Variants in MAMDC2 observed in about 807,000 individuals in gnomAD.
MAMDC2 encodes MAM domain containing 2, also known as MAM domain-containing protein 2.
Under a neutral mutation model 89.8 loss-of-function variants are expected in MAMDC2, and 57 were observed. The ratio of observed to expected loss-of-function variants is 0.63; its 90% CI spans 0.51 to 0.79. The LOEUF (loss-of-function observed/expected upper bound fraction) is 0.79, where lower values mean the gene tolerates loss of function less well. Ranked by LOEUF, MAMDC2 falls within the 30% of genes least tolerant of loss-of-function variation. MAMDC2 has a pLI of 0.00. For missense variants in MAMDC2, 800 were observed against 820.6 expected, an observed-to-expected ratio of 0.97 and a Z score of 0.31; for synonymous variants, 313 against 293.4, an observed-to-expected ratio of 1.07 and a Z score of -0.68.
At chr9:70,070,563 C>T (rs779303422) in intron 2 of MAMDC2, among the ~76,000 whole-genome samples, 1 of 152,146 alleles carries the variant, frequency 6.6e-6, no homozygotes, top group Non-Finnish European at 1.5e-5. Flanking sequence ...CATGGCTAAG[C>T]ACATAGTAGG....
rs142381956 is a variant in MAMDC2, at chr9:70,095,995, T to C, written c.149-12216T>C. Among the ~76,000 whole-genome samples the C allele has an allele frequency of 3.9e-3, 595 of 152,230 alleles. 6 individuals are homozygous for C. The highest frequency in any genetic ancestry group is 0.013 in the African/African-American group (554 of 41,536). On this transcript the variant is annotated intron_variant, in intron 2 of 13. Transcript: ENST00000377182. The stretch of plus-strand genomic sequence containing the variant: ...GAAAACATGTCCTGTTCCCAGGACA[T>C]AGGACTTTAAATTTAATTTAATTTA...
chr9:70,177,489 T>A (rs910356119), intron 11 of MAMDC2, among the ~76,000 whole-genome samples: 15 of 152,186 alleles, frequency 9.9e-5, no homozygotes, highest in African/African-American at 3.6e-4. Flanking sequence ...CACAGCTGAC[T>A]GTGGGTAACC....
chr9:70,068,103 C>T (rs1827310254), intron 2 of MAMDC2, among the ~76,000 whole-genome samples: 1 of 152,126 alleles, frequency 6.6e-6, no homozygotes, highest in Non-Finnish European at 1.5e-5. Flanking sequence ...TGGTATAGGA[C>T]TTATAAAGAG....
At chr9:70,141,816 T>C (rs963990722) in intron 8 of MAMDC2, among the ~76,000 whole-genome samples, 15 of 152,130 alleles carry the variant, frequency 9.9e-5, no homozygotes, top group Admixed American at 8.5e-4. Flanking sequence ...AGGAAATATA[T>C]GGAGGAAACA....
At chr9:70,074,760 G>C (rs1035277054) in intron 2 of MAMDC2, among the ~76,000 whole-genome samples, 3 of 152,182 alleles carry the variant, frequency 2.0e-5, no homozygotes, top group African/African-American at 7.2e-5. Flanking sequence ...CATCATGACA[G>C]GTCAAGAGAG....
At chr9:70,075,701 C>G (rs1331829357) in intron 2 of MAMDC2, among the ~76,000 whole-genome samples, 3 of 152,170 alleles carry the variant, frequency 2.0e-5, no homozygotes, top group African/African-American at 7.2e-5. Flanking sequence ...AGTCCCACTT[C>G]CAGAAATCTA....
At chr9:70,170,406 C>CA in intron 10 of MAMDC2, 73 bp from the exon 11 acceptor site, 1 of 1,497,680 alleles carries the variant, frequency 6.7e-7, no homozygotes, top group Non-Finnish European at 9.0e-7. Flanking sequence ...TTCATACATG[C>CA]AGAGTGGGCT....
chr9:70,150,832 T>C (rs1417466878), intron 9 of MAMDC2, among the ~76,000 whole-genome samples: 2 of 152,248 alleles, frequency 1.3e-5, no homozygotes, highest in East Asian at 1.9e-4. Context: ...CATCTTACTC[T>C]CTCTATACTC....
intron 2 of MAMDC2, among the ~76,000 whole-genome samples, chr9:70,097,647 C>T (rs1828063906): frequency 6.6e-6 from 1 of 152,156 alleles, no homozygotes; most frequent in Non-Finnish European, 1.5e-5. Context: ...AATAGGATGA[C>T]AGTATCTAGT....
chr9:70,103,753 G>A (rs915015441), intron 2 of MAMDC2, among the ~76,000 whole-genome samples: 21 of 152,114 alleles, frequency 1.4e-4, no homozygotes, highest in Non-Finnish European at 2.6e-4. Flanking sequence ...AGGCCGAGGC[G>A]GGCAGACTGC....
Position 70,044,811 on chromosome 9 carries a change from T to C in MAMDC2, c.148+114T>C, listed in dbSNP as rs1826706327. 6 of 817,048 alleles carry C rather than the reference T, an allele frequency of 7.3e-6. No homozygotes were observed. The South Asian group carries it at 9.4e-5, about 13-fold the overall frequency. 50.6% of individuals were successfully genotyped at this position (817,048 alleles called of 1,614,324 possible). A position where few individuals can be genotyped will look rare whatever the true frequency, so the allele number is the denominator to read the frequency against. On this transcript the variant is annotated intron_variant, in intron 2 of 13. Transcript: ENST00000377182. ...AGTTAATTCTCCGCGGCAAGAAAAG[T>C]GTGAGTCATGGATCCTCCTTCAAGC...
At chr9:70,101,543 T>C (rs1272066736) in intron 2 of MAMDC2, among the ~76,000 whole-genome samples, 50 of 152,186 alleles carry the variant, frequency 3.3e-4, no homozygotes. Flanking sequence ...GTATTTTTAC[T>C]ATATCTTGTC....
intron 11 of MAMDC2, among the ~76,000 whole-genome samples, chr9:70,179,917 T>C (rs1313581862): frequency 2.7e-5 from 4 of 146,534 alleles, no homozygotes; most frequent in Non-Finnish European, 4.5e-5. Context: ...GTGCAGAACA[T>C]GCAGGTTTGT....
chr9:70,198,478 G>A, intron 11 of MAMDC2, among the ~76,000 whole-genome samples: 1 of 152,124 alleles, frequency 6.6e-6, no homozygotes, highest in East Asian at 1.9e-4. Context: ...GGATTTTGCA[G>A]CCAAATGATA....
chr9:70,224,199 T>C (rs1363492661), intron 12 of MAMDC2, among the ~76,000 whole-genome samples: 2 of 83,254 alleles, frequency 2.4e-5, no homozygotes, highest in East Asian at 9.3e-4. Flanking sequence ...ATCAGTGTTC[T>C]CCAGAGAAAC....
intron 11 of MAMDC2, chr9:70,217,700 G>T (rs1380639366): frequency 7.1e-7 from 1 of 1,405,440 alleles, no homozygotes; most frequent in Non-Finnish European, 1.0e-6. Context: ...ATAAAGATTG[G>T]ATTATATTTA....
Position 70,108,303 on chromosome 9 carries a change from C to T in MAMDC2, c.241C>T (p.Leu81Phe). The T allele has an allele frequency of 6.2e-7, 1 of 1,614,064 alleles. No homozygotes were observed. The highest frequency in any genetic ancestry group is 8.5e-7 in the Non-Finnish European group (1 of 1,179,966). Residue 81 changes from leucine (L) to phenylalanine (F), a missense_variant, in exon 3 of 14, where the codon CTC (leucine) becomes TTC (phenylalanine). Leu to Phe is a conservative substitution (Grantham distance 22, BLOSUM62 0). Coordinates refer to ENST00000377182, the MANE Select transcript of MAMDC2 (RefSeq NM_153267.5). ...PDLQAEEWSC[L>F]RLVYQITTSS... ...CTTACAGGCTGAGGAATGGAGCTGC[C>T]TCCGTTTGGTCTACCAGATAACCAC...
In MAMDC2 at chr9:70,156,976, G is replaced by A. The variant is rs538596230; in HGVS notation, c.1405-11726G>A. 2.6e-3 allele frequency among the ~76,000 whole-genome samples: 396 copies of A among 152,248 alleles called. 1 individual carries two copies. Among genetic ancestry groups the A allele is most frequent in the African/African-American group, 9.0e-3 (375 of 41,556 alleles). Reference sequence around the variant, plus strand: ...AGTGTTTATGTCAGTCCATTCTTTCGTGAGTTTTCTGAGTAATTTCATGGA... The same window carrying A: ...AGTGTTTATGTCAGTCCATTCTTTCATGAGTTTTCTGAGTAATTTCATGGA... On this transcript the variant is annotated intron_variant, in intron 9 of 13. Coordinates refer to ENST00000377182, the MANE Select transcript of MAMDC2 (RefSeq NM_153267.5).
intron 11 of MAMDC2, among the ~76,000 whole-genome samples, chr9:70,209,468 G>A (rs1288681175): frequency 6.6e-6 from 1 of 152,142 alleles, no homozygotes; most frequent in Non-Finnish European, 1.5e-5. Context: ...TGTAGGATCA[G>A]TTGTGATATT....
Sources: gnomAD v4.1 joint callset for allele counts (sites outside exome capture counted in the v4.1 genomes callset) on GRCh38, gnomAD v4.1.1 for gene constraint, MANE v1.5 for transcripts, NCBI Gene and HGNC (gene_info 2026-07-23, HGNC 2026-07-21) for gene names.